The following CCDC32 variants were observed in gnomAD, a reference collection of about 807,000 sequenced individuals.
CCDC32 encodes coiled-coil domain containing 32.
A neutral mutation model predicts 20.1 loss-of-function variants in CCDC32; 9 were observed. That is an observed-to-expected ratio of 0.45 (90% confidence interval 0.27 to 0.78). The LOEUF is 0.78. CCDC32 is among the 30% of genes least tolerant of loss of function. The pLI is 0.16. For missense variants in CCDC32, 204 were observed against 215.5 expected (o/e 0.95, Z 0.33); for synonymous variants, 63 against 79.0 (o/e 0.80, Z 1.07).
downstream of CCDC32, among the ~76,000 whole-genome samples, chr15:40,549,470 C>T (rs1196076294): frequency 1.3e-5 from 2 of 152,202 alleles, no homozygotes; most frequent in South Asian, 4.1e-4. Flanking sequence ...TCCCCTAACA[C>T]GGCCTCTCTC....
downstream of CCDC32, chr15:40,528,622 C>T: frequency 1.6e-6 from 1 of 621,558 alleles, no homozygotes; most frequent in Non-Finnish European, 2.8e-6. Flanking sequence ...TCTGGTAATG[C>T]AGAAGGCCTG....
downstream of CCDC32, chr15:40,537,419 C>G (rs968254478): frequency 6.6e-6 from 1 of 152,230 alleles, no homozygotes; most frequent in Non-Finnish European, 1.5e-5. Context: ...GTGCCTGTGT[C>G]CCAAGGTCCC....
chr15:40,552,661 A>G (rs570412000), downstream of CCDC32, among the ~76,000 whole-genome samples: 6 of 148,958 alleles, frequency 4.0e-5, no homozygotes, highest in African/African-American at 9.9e-5. Context: ...TGTAATTCCA[A>G]CTACTCAGGA....
At chr15:40,523,995 A>G (rs1349787785), downstream of CCDC32, among the ~76,000 whole-genome samples, 1 of 152,244 alleles carries the variant, frequency 6.6e-6, no homozygotes, top group African/African-American at 2.4e-5. Context: ...ATGAATGTTC[A>G]TAGCTGTTTT....
At chr15:40,554,181 C>T in intron 3 of CCDC32, 54 bp from the exon 4 acceptor site, 4 of 1,558,544 alleles carry the variant, frequency 2.6e-6, no homozygotes, top group African/African-American at 1.4e-5. Flanking sequence ...TGATTAATTA[C>T]TTAATGATTA....
At chr15:40,528,485 T>C (rs1233787051), downstream of CCDC32, among the ~76,000 whole-genome samples, 1 of 152,088 alleles carries the variant, frequency 6.6e-6, no homozygotes, top group Non-Finnish European at 1.5e-5. Context: ...TGACATGAAA[T>C]TCTTTGCCAT....
At chr15:40,545,199 G>C (rs1304390372) in intron 3 of CCDC32, among the ~76,000 whole-genome samples, 1 of 152,256 alleles carries the variant, frequency 6.6e-6, no homozygotes, top group East Asian at 1.9e-4. Context: ...ACTGCACCTT[G>C]GCATTCTGCT....
intron 3 of CCDC32, chr15:40,529,667 T>G (rs972325410): frequency 1.3e-5 from 2 of 150,790 alleles, no homozygotes; most frequent in African/African-American, 4.9e-5. Flanking sequence ...TGGTTTTTTT[T>G]TTTTTTTTTT....
chr15:40,532,006 T>C (rs963554980), downstream of CCDC32: 6 of 306,074 alleles, frequency 2.0e-5, no homozygotes, highest in Middle Eastern at 8.7e-4. Context: ...ATATCATCTG[T>C]CTTCTGGAGG....
intron 3 of CCDC32, chr15:40,539,471 G>A (rs1475429863): frequency 2.3e-6 from 2 of 866,798 alleles, no homozygotes; most frequent in African/African-American, 3.4e-5. Flanking sequence ...GAGTGCGAAG[G>A]TGCGAGGAAG....
chr15:40,540,785 C>G (rs1252237362), intron 3 of CCDC32, among the ~76,000 whole-genome samples: 1 of 152,158 alleles, frequency 6.6e-6, no homozygotes, highest in African/African-American at 2.4e-5. Flanking sequence ...GAGTCAGTGC[C>G]CCTAATGTCA....
chr15:40,529,952 C>T (rs1025230956), downstream of CCDC32, among the ~76,000 whole-genome samples: 6 of 151,188 alleles, frequency 4.0e-5, no homozygotes, highest in East Asian at 2.0e-4. Context: ...TGAGCCACTG[C>T]GCCCAGCCGG....
downstream of CCDC32, among the ~76,000 whole-genome samples, chr15:40,528,522 G>A (rs1375319225): frequency 6.6e-6 from 1 of 152,162 alleles, no homozygotes; most frequent in Non-Finnish European, 1.5e-5. Flanking sequence ...AATCTGTTTT[G>A]CCTGTGCTCA....
chr15:40,543,698 C>G (rs111773554), intron 3 of CCDC32, among the ~76,000 whole-genome samples: 1,761 of 152,284 alleles, frequency 0.012, 27 homozygotes, highest in African/African-American at 0.04. Flanking sequence ...CGTGATCCAC[C>G]CACCTCAGCC....
chr15:40,553,931 T>C lies in CCDC32; in HGVS notation c.*40A>G. 5.8e-6 allele frequency: 3 copies of C among 518,420 alleles called. No individual in the cohort carries two copies. The highest frequency in any genetic ancestry group is 4.1e-5 in the Admixed American group (1 of 24,646). 32.1% of individuals were successfully genotyped at this position (518,420 alleles called of 1,614,324 possible). ...GTGTGTGTGTGTGTGTGTGTGTGTGTGTGTGTGTGTGTGTGTGTGTGTGTG... is the reference window on the plus strand; with the variant it reads ...GTGTGTGTGTGTGTGTGTGTGTGTGCGTGTGTGTGTGTGTGTGTGTGTGTG... On this transcript the variant is annotated 3_prime_UTR_variant, in exon 4 of 4. Transcript: ENST00000416810.
intron 3 of CCDC32, among the ~76,000 whole-genome samples, chr15:40,543,711 C>T (rs986123363): frequency 6.6e-6 from 1 of 152,180 alleles, no homozygotes; most frequent in African/African-American, 2.4e-5. Flanking sequence ...CCTCAGCCTC[C>T]CAAAGTGCTG....
intron 3 of CCDC32, 82 bp from the exon 4 acceptor site, chr15:40,554,209 C>G (rs1890081948): frequency 2.6e-6 from 4 of 1,515,406 alleles, no homozygotes; most frequent in Non-Finnish European, 3.6e-6. Flanking sequence ...TACTCAAACA[C>G]TACCTTCCCG....
At chr15:40,532,710 C>CTTTCT (rs1888928257), downstream of CCDC32, among the ~76,000 whole-genome samples, 6 of 96,634 alleles carry the variant, frequency 6.2e-5, no homozygotes, top group African/African-American at 2.0e-4. Flanking sequence ...AATTTGTTTT[C>CTTTCT]TTTCTTTTTT....
chr15:40,532,895 G>T (rs1888945892), downstream of CCDC32, among the ~76,000 whole-genome samples: 1 of 151,464 alleles, frequency 6.6e-6, no homozygotes, highest in African/African-American at 2.4e-5. Context: ...TAGAGGTAGG[G>T]GGTTTCACCA....
Sources: gnomAD v4.1 joint callset for allele counts (sites outside exome capture counted in the v4.1 genomes callset) on GRCh38, gnomAD v4.1.1 for gene constraint, MANE v1.5 for transcripts, NCBI Gene and HGNC (gene_info 2026-07-23, HGNC 2026-07-21) for gene names.